ADCY2: variants seen among roughly 807,000 people sequenced by gnomAD.
The protein encoded by ADCY2 is adenylate cyclase 2.
ADCY2 carries 31 observed loss-of-function variants against 125.2 expected under a neutral mutation model. The ratio of observed to expected loss-of-function variants is 0.25; its 90% CI spans 0.19 to 0.33. ADCY2 has a LOEUF of 0.33. Ranked by LOEUF, ADCY2 falls within the 10% of genes least tolerant of loss-of-function variation. The pLI is 1.00. For missense variants in ADCY2, 904 were observed against 1,418.2 expected, an observed-to-expected ratio of 0.64 and a Z score of 5.82; for synonymous variants, 512 against 548.4, an observed-to-expected ratio of 0.93 and a Z score of 0.93.
At chr5:7,556,626 G>A (rs1735514436) in intron 3 of ADCY2, among the ~76,000 whole-genome samples, 1 of 152,094 alleles carries the variant, frequency 6.6e-6, no homozygotes, top group Non-Finnish European at 1.5e-5. Flanking sequence ...CTGTCCCCAG[G>A]GCTGCAGACT....
chr5:7,799,402 C>T (rs1744524375), intron 20 of ADCY2: 1 of 152,264 alleles, frequency 6.6e-6, no homozygotes, highest in East Asian at 1.9e-4. Context: ...TTTCAGAAGC[C>T]TAGAAGTTTC....
intron 4 of ADCY2, among the ~76,000 whole-genome samples, chr5:7,628,618 G>A (rs1302882404): frequency 6.6e-6 from 1 of 152,146 alleles, no homozygotes; most frequent in Non-Finnish European, 1.5e-5. Flanking sequence ...AATAAGAACT[G>A]ATATTAAATA....
chr5:7,543,307 C>G (rs1402477117), intron 3 of ADCY2, among the ~76,000 whole-genome samples: 1 of 151,926 alleles, frequency 6.6e-6, no homozygotes, highest in African/African-American at 2.4e-5. Flanking sequence ...GTATCTGAAT[C>G]TAATTAATAT....
intron 4 of ADCY2, among the ~76,000 whole-genome samples, chr5:7,648,444 A>G (rs1561143911): frequency 6.6e-6 from 1 of 152,200 alleles, no homozygotes; most frequent in South Asian, 2.1e-4. Flanking sequence ...TTTGCCTAGA[A>G]ATATGTTCTA....
chr5:7,703,072 G>A (rs1482101711), intron 7 of ADCY2, among the ~76,000 whole-genome samples: 2 of 149,232 alleles, frequency 1.3e-5, no homozygotes, highest in South Asian at 4.3e-4. Context: ...TTTTGATGGG[G>A]TTGTTTGATT....
intron 14 of ADCY2, among the ~76,000 whole-genome samples, chr5:7,730,991 T>C (rs1316941555): frequency 6.6e-6 from 1 of 152,192 alleles, no homozygotes; most frequent in Non-Finnish European, 1.5e-5. Context: ...TTGTCTCGAT[T>C]GTCTATTCTT....
At chr5:7,558,368 T>C (rs1432508671) in intron 3 of ADCY2, among the ~76,000 whole-genome samples, 1 of 152,202 alleles carries the variant, frequency 6.6e-6, no homozygotes, top group Non-Finnish European at 1.5e-5. Flanking sequence ...TACTTTTTAA[T>C]AATAGCCATT....
chr5:7,730,978 C>T (rs1246420771), intron 14 of ADCY2, among the ~76,000 whole-genome samples: 5 of 152,016 alleles, frequency 3.3e-5, no homozygotes, highest in Admixed American at 6.6e-5. Flanking sequence ...ATGTTGCTGT[C>T]GATTGTCTCG....
chr5:7,756,922 A>T (rs1376830120), intron 15 of ADCY2, among the ~76,000 whole-genome samples: 1 of 152,224 alleles, frequency 6.6e-6, no homozygotes, highest in Non-Finnish European at 1.5e-5. Flanking sequence ...GACCACACAA[A>T]GCCATCAAGC....
intron 5 of ADCY2, chr5:7,691,596 T>C (rs1470188778): frequency 6.6e-6 from 1 of 152,104 alleles, no homozygotes; most frequent in South Asian, 2.1e-4. Context: ...CCTGCCCCTG[T>C]CTCCGAGCCA....
chr5:7,559,584 G>A (rs567038278), intron 3 of ADCY2, among the ~76,000 whole-genome samples: 4 of 152,290 alleles, frequency 2.6e-5, no homozygotes, highest in Admixed American at 6.5e-5. Flanking sequence ...GACTGAGTCT[G>A]TGGGGTTTCC....
intron 2 of ADCY2, among the ~76,000 whole-genome samples, chr5:7,512,269 GAGGATTACTGTTATC>G (rs1171362522): frequency 4.1e-5 from 6 of 145,910 alleles, no homozygotes; most frequent in Non-Finnish European, 7.5e-5. Context: ...ATAAACAGAG[GAGGATTACTGTTATC>G]AGATTTAACT....
rs865790956 is a variant in ADCY2, at chr5:7,396,156, C to T, written c.-141C>T. ...CCAGCCCGGGGCGCCGAGCTCCGCC[C>T]GCGCCGGAGGCCCCTGCGCGCAGCT... On this transcript the variant is annotated 5_prime_UTR_variant, in exon 1 of 25. Coordinates refer to ENST00000338316, the MANE Select transcript of ADCY2 (RefSeq NM_020546.3). This position sits in a 1 kb window ranked among gnomAD's most constrained non-coding sequence, Gnocchi z 5.7. 5.6e-3 allele frequency: 1,220 copies of T among 216,038 alleles called. 16 individuals are homozygous for T. The highest frequency in any genetic ancestry group is 0.028 in the African/African-American group (1,150 of 41,730). 13.4% of individuals were successfully genotyped at this position (216,038 alleles called of 1,614,324 possible).
intron 7 of ADCY2, among the ~76,000 whole-genome samples, chr5:7,705,688 A>G (rs1429204844): frequency 6.6e-6 from 1 of 152,186 alleles, no homozygotes; most frequent in African/African-American, 2.4e-5. Flanking sequence ...GTTTTGGATG[A>G]CTTGCATAGA....
At chr5:7,418,490 G>A (rs1296560486) in intron 2 of ADCY2, among the ~76,000 whole-genome samples, 2 of 152,060 alleles carry the variant, frequency 1.3e-5, no homozygotes, top group African/African-American at 2.4e-5. Flanking sequence ...TTGGCAGGGT[G>A]TGTGCCTCAT....
chr5:7,763,344 G>A (rs894944133), intron 16 of ADCY2, among the ~76,000 whole-genome samples: 4 of 152,084 alleles, frequency 2.6e-5, no homozygotes, highest in African/African-American at 4.8e-5. Flanking sequence ...ACCCACCTCG[G>A]CCTCCCAAAG....
chr5:7,434,332 A>T (rs145216989), intron 2 of ADCY2, among the ~76,000 whole-genome samples: 6 of 152,370 alleles, frequency 3.9e-5, no homozygotes, highest in African/African-American at 1.4e-4. Context: ...ATACTAAGTT[A>T]GAGTGAAAGG....
chr5:7,484,475 C>T (rs1457914260), intron 2 of ADCY2, among the ~76,000 whole-genome samples: 2 of 152,178 alleles, frequency 1.3e-5, no homozygotes, highest in African/African-American at 4.8e-5. Flanking sequence ...GACCCAAGCT[C>T]CATTAGCCTT....
chr5:7,589,524 G>GAAAGAA (rs1554022167), intron 3 of ADCY2, among the ~76,000 whole-genome samples: 1 of 67,868 alleles, frequency 1.5e-5, no homozygotes, highest in Admixed American at 1.6e-4. Flanking sequence ...AGAAAAGAAA[G>GAAAGAA]AGAAAGAAAG....
Sources: allele counts gnomAD v4.1 joint callset (sites outside exome capture counted in the v4.1 genomes callset), GRCh38; gene constraint gnomAD v4.1.1; non-coding constraint Gnocchi (gnomAD v3.1); transcripts MANE v1.5; gene names NCBI Gene and HGNC (gene_info 2026-07-23, HGNC 2026-07-21).